Variants in AVEN observed in about 807,000 individuals in gnomAD.
AVEN encodes cell death regulator Aven.
In AVEN, 41 loss-of-function variants were observed where a neutral mutation model predicts 38.1. That is an observed-to-expected ratio of 1.08 (90% CI 0.84 to 1.40). The LOEUF (loss-of-function observed/expected upper bound fraction) is 1.40. Ranked by LOEUF, AVEN falls within the 40% of genes most tolerant of loss-of-function variation. AVEN has a pLI of 0.00. For synonymous variants in AVEN, 206 were observed against 171.8 expected, an observed-to-expected ratio of 1.20 and a Z score of -1.56; for missense variants, 605 against 438.8, an observed-to-expected ratio of 1.38 and a Z score of -3.38.
At chr15:33,980,774 T>C (rs946307161) in intron 2 of AVEN, among the ~76,000 whole-genome samples, 1 of 152,158 alleles carries the variant, frequency 6.6e-6, no homozygotes, top group African/African-American at 2.4e-5. Flanking sequence ...GGACCTTAAC[T>C]AGTTCCCAAA....
At chr15:33,865,398 T>G (rs1890165339), downstream of AVEN, 3 of 588,614 alleles carry the variant, frequency 5.1e-6, no homozygotes, top group Non-Finnish European at 9.0e-6. Context: ...TTTTTGTGCC[T>G]AATGGACATA....
At chr15:34,074,066 C>T (rs1395437283) in intron 1 of AVEN, among the ~76,000 whole-genome samples, 2 of 131,832 alleles carry the variant, frequency 1.5e-5, no homozygotes, top group African/African-American at 3.1e-5. Context: ...GTCACAATTT[C>T]GGCTCACTGC....
At position 33,961,545 on chromosome 15, in the gene AVEN, G is replaced by A. The variant is rs112631920; in HGVS notation, c.445+41487C>T. Among the ~76,000 whole-genome samples the A allele has an allele frequency of 3.7e-3, 562 of 151,680 alleles. 4 individuals are homozygous for A. Among genetic ancestry groups the A allele is most frequent in the African/African-American group, 0.013 (545 of 41,286 alleles). On this transcript the variant is annotated intron_variant, in intron 2 of 5. Transcript: ENST00000306730. ...ATAAAGTGTCTGCACTGGGTGAGGT[G>A]GCTCATGCCTGTAATCCCAGCACTT... is the stretch of plus-strand genomic sequence containing the variant.
chr15:33,980,023 G>GA (rs1185959987), intron 2 of AVEN, among the ~76,000 whole-genome samples: 2 of 151,640 alleles, frequency 1.3e-5, no homozygotes, highest in Non-Finnish European at 2.9e-5. Flanking sequence ...GATTGTAAAG[G>GA]AAAAAAAAGA....
intron 2 of AVEN, among the ~76,000 whole-genome samples, chr15:33,930,975 C>A (rs1350502659): frequency 2.1e-5 from 3 of 143,782 alleles, no homozygotes; most frequent in African/African-American, 7.9e-5. Flanking sequence ...AAAAAAAAAA[C>A]TTAAGGATTA....
In AVEN at chr15:33,983,154, G is replaced by GTGTA. The variant is rs1345124971; in HGVS notation, c.445+19877_445+19878insTACA. On this transcript the variant is annotated intron_variant, in intron 2 of 5. Transcript: ENST00000306730. ...TGTGTGTGTGTGTGTGTGTGTGTGT[G>GTGTA]TGTGTATGTGTGTGTGTATATATAC... Among the ~76,000 whole-genome samples the GTGTA allele has an allele frequency of 8.8e-3, 984 of 111,718 alleles. 13 individuals are homozygous for GTGTA. Among genetic ancestry groups the GTGTA allele is most frequent in the African/African-American group, 0.041 (939 of 23,054 alleles). The allele number at this position is 111,718 out of a possible 152,430, so 73.3% of individuals were successfully genotyped here. A position where few individuals can be genotyped will look rare whatever the true frequency, so the allele number is the denominator to read the frequency against.
chr15:33,981,898 G>A (rs1040455189), intron 2 of AVEN, among the ~76,000 whole-genome samples: 7 of 151,990 alleles, frequency 4.6e-5, no homozygotes, highest in Non-Finnish European at 1.0e-4. Flanking sequence ...GCAGTGGCGC[G>A]ATCTTGGCTC....
chr15:33,914,603 T>C (rs1893050799), intron 2 of AVEN, among the ~76,000 whole-genome samples: 1 of 149,602 alleles, frequency 6.7e-6, no homozygotes, highest in Admixed American at 6.7e-5. Flanking sequence ...GAAACCATAC[T>C]AGATGAGTTA....
At chr15:34,072,943 C>T (rs970417054) in intron 1 of AVEN, among the ~76,000 whole-genome samples, 10 of 152,016 alleles carry the variant, frequency 6.6e-5, no homozygotes, top group Admixed American at 5.2e-4. Flanking sequence ...GCCACCGCAC[C>T]CAGCCTACCT....
chr15:33,868,359 TAAACAAAC>T (rs113504638), intron 4 of AVEN, among the ~76,000 whole-genome samples: 3,151 of 150,964 alleles, frequency 0.021, 98 homozygotes, highest in African/African-American at 0.064. Flanking sequence ...CTGTCTCTAC[TAAACAAAC>T]AAACAAACAA....
rs1441495909 is a variant in AVEN at position 33,932,079 on chromosome 15, C to G, written c.446-56084G>C. Among the ~76,000 whole-genome samples, 5 of 152,274 alleles carry G rather than the reference C, an allele frequency of 3.3e-5. No individual in the cohort carries two copies. In the East Asian group the frequency reaches 5.8e-4, roughly 18 times the overall value. On this transcript the variant is annotated intron_variant, in intron 2 of 5. Transcript: ENST00000306730. ...CATGTAAAAGTCAGAAAATTTAGAG[C>G]ATCTTATGAGGTGAAGATTGCAGAC... is the stretch of plus-strand genomic sequence containing the variant.
intron 2 of AVEN, among the ~76,000 whole-genome samples, chr15:33,952,618 AAT>A (rs776141168): frequency 2.0e-5 from 3 of 152,200 alleles, no homozygotes; most frequent in Non-Finnish European, 4.4e-5. Context: ...TAAATGAAAA[AAT>A]AGATATTAAA....
intron 2 of AVEN, among the ~76,000 whole-genome samples, chr15:33,968,385 C>T (rs961564848): frequency 5.3e-5 from 8 of 152,040 alleles, no homozygotes; most frequent in African/African-American, 1.9e-4. Flanking sequence ...TTCTTTCTTC[C>T]TTTCAGGATA....
intron 5 of AVEN, among the ~76,000 whole-genome samples, chr15:34,056,496 T>G (rs1325609318): frequency 1.3e-5 from 2 of 152,246 alleles, no homozygotes; most frequent in African/African-American, 2.4e-5. Context: ...CTGCAGAACC[T>G]CCCAGCTTTC....
At chr15:34,015,139 C>T (rs992261133) in intron 1 of AVEN, among the ~76,000 whole-genome samples, 3 of 152,124 alleles carry the variant, frequency 2.0e-5, no homozygotes, top group Non-Finnish European at 2.9e-5. Context: ...AAATCCCATT[C>T]AAAGCTGTTA....
chr15:33,900,868 C>T (rs555280719), intron 2 of AVEN, among the ~76,000 whole-genome samples: 13 of 152,268 alleles, frequency 8.5e-5, no homozygotes, highest in African/African-American at 2.9e-4. Context: ...AACCTTGAGA[C>T]GTATCTTCTA....
At chr15:34,053,299 CAAAAAAAA>C (rs71454513) in intron 5 of AVEN, among the ~76,000 whole-genome samples, 1 of 51,540 alleles carries the variant, frequency 1.9e-5, no homozygotes, top group African/African-American at 9.0e-5. Context: ...GACTCCATCT[CAAAAAAAA>C]AAAAAAAAAA....
intron 5 of AVEN, among the ~76,000 whole-genome samples, chr15:34,047,259 A>G (rs1386434775): frequency 6.6e-6 from 1 of 151,874 alleles, no homozygotes; most frequent in African/African-American, 2.4e-5. Flanking sequence ...TTGTATTTTT[A>G]GTAGAGACGG....
downstream of AVEN, chr15:33,858,074 AACAGGAGAGTGTCCTGGGAAG>A (rs2079891520): frequency 2.1e-6 from 2 of 932,732 alleles, no homozygotes; most frequent in Non-Finnish European, 3.1e-6. Context: ...GTCTTCTCCA[AACAGGAGAGTGTCCTGGGAAG>A]ACAGAAGTGA....
Sources: gnomAD v4.1 joint callset for allele counts (sites outside exome capture counted in the v4.1 genomes callset) on GRCh38, gnomAD v4.1.1 for gene constraint, MANE v1.5 for transcripts, NCBI Gene and HGNC (gene_info 2026-07-23, HGNC 2026-07-21) for gene names.